Variants in RSAD2 observed in about 807,000 individuals in gnomAD.
RSAD2 encodes the protein S-adenosylmethionine-dependent nucleotide dehydratase RSAD2.
In RSAD2, 38 loss-of-function variants were observed where a neutral mutation model predicts 37.7. The observed-to-expected ratio is 1.01, with a 90% CI of 0.78 to 1.32. The LOEUF (loss-of-function observed/expected upper bound fraction) is 1.32, where lower values mean the gene tolerates loss of function less well. Among genes scored for constraint, RSAD2 ranks in the 40% most tolerant of loss-of-function variants. The pLI, the probability that RSAD2 is intolerant of heterozygous loss-of-function variation, is 0.00. For missense variants in RSAD2, 428 were observed against 437.5 expected, an observed-to-expected ratio of 0.98 and a Z score of 0.19; for synonymous variants, 163 against 157.4, an observed-to-expected ratio of 1.04 and a Z score of -0.27.
chr2:6,887,026 T>A lies in RSAD2; in HGVS notation c.600T>A (p.His200Gln), dbSNP rs372468618. 3 of 1,614,192 alleles carry A rather than the reference T, an allele frequency of 1.9e-6. No homozygotes were observed. Among genetic ancestry groups the A allele is most frequent in the African/African-American group, 2.7e-5 (2 of 75,068 alleles). Reference protein sequence around the residue: ...LIGRGQGKKNHVENLQKLRRW... With the variant: ...LIGRGQGKKNQVENLQKLRRW... ...GCCGTGGCCAAGGAAAGAAGAACCA[T>A]GTGGAAAACCTTCAAAAGCTGAGGA... The change falls in exon 3 of 6, where the codon CAT becomes CAA. Residue 200 changes from histidine to glutamine, a missense_variant. Coordinates refer to ENST00000382040, the MANE Select transcript of RSAD2 (RefSeq NM_080657.5).
intron 1 of RSAD2, among the ~76,000 whole-genome samples, chr2:6,881,916 C>T (rs1452325197): frequency 6.6e-6 from 1 of 151,428 alleles, no homozygotes; most frequent in African/African-American, 2.4e-5. Context: ...TGCATAGACC[C>T]CATCCTCCTA....
Position 6,877,839 on chromosome 2 carries a change from C to T in RSAD2, c.39C>T (p.Leu13=), listed in dbSNP as rs772259587. The change falls in exon 1 of 6, where the codon CTC becomes CTT. Residue 13 remains leucine (L), a synonymous_variant. Coordinates refer to ENST00000382040, the MANE Select transcript of RSAD2 (RefSeq NM_080657.5). ...VLTPAAFAGK[L]LSVFRQPLSS... ...CACCTGCTGCTTTTGCTGGGAAGCT[C>T]TTGAGTGTGTTCAGGCAACCTCTGA... The T allele has an allele frequency of 1.2e-6, 2 of 1,613,984 alleles. No individual in the cohort carries two copies. Among genetic ancestry groups the T allele is most frequent in the South Asian group, 2.2e-5 (2 of 91,058 alleles).
chr2:6,869,757 G>C (rs936055421), intron 1 of RSAD2, among the ~76,000 whole-genome samples: 1 of 152,160 alleles, frequency 6.6e-6, no homozygotes, highest in South Asian at 2.1e-4. Context: ...GGAACAGCAC[G>C]CCTACAAATC....
chr2:6,894,866 G>T (rs1663705750), intron 5 of RSAD2, among the ~76,000 whole-genome samples: 1 of 152,200 alleles, frequency 6.6e-6, no homozygotes, highest in Non-Finnish European at 1.5e-5. Flanking sequence ...TTAGTTTCTG[G>T]GTCCAAGGTA....
rs1419509478 is a variant in RSAD2, at chr2:6,893,701, T to C, written c.919T>C (p.Tyr307His). The C allele has an allele frequency of 2.5e-6, 4 of 1,594,628 alleles. No individual in the cohort carries two copies. Among genetic ancestry groups the C allele is most frequent in the South Asian group, 2.2e-5 (2 of 90,534 alleles). The change falls in exon 5 of 6, where the codon TAT (tyrosine) becomes CAT (histidine). Residue 307 changes from tyrosine (Y) to histidine (H), a missense_variant and splice_region_variant. By Grantham distance (83) the Tyr-to-His change is moderately conservative (BLOSUM62 2). Transcript: ENST00000382040. ...MKDSYLILDE[Y>H]MRFLNCRKGR... Reference sequence around the variant, plus strand: ...AGACTCCTACCTTATTCTGGATGAATATGTGAGTATTTCCAATGAGTTATA... The same window carrying C: ...AGACTCCTACCTTATTCTGGATGAACATGTGAGTATTTCCAATGAGTTATA...
At chr2:6,893,322 T>C (rs1663668092) in intron 4 of RSAD2, among the ~76,000 whole-genome samples, 1 of 152,210 alleles carries the variant, frequency 6.6e-6, no homozygotes, top group Non-Finnish European at 1.5e-5. Context: ...AGATACATGG[T>C]GGACACAGTC....
In RSAD2 at chr2:6,871,619, C is replaced by T. The variant is rs77842230; in HGVS notation, c.142+5574C>T. Reference sequence around the variant, plus strand: ...AACGCTGGTTGAATCTAACTGTCTTCTAAACAAGGGGGTTTTACCCGACTC... The same window carrying T: ...AACGCTGGTTGAATCTAACTGTCTTTTAAACAAGGGGGTTTTACCCGACTC... On this transcript the variant is annotated intron_variant, in intron 1 of 5. Transcript: ENST00000442639. Among the ~76,000 whole-genome samples the T allele has an allele frequency of 7.0e-3, 1,067 of 152,288 alleles. 7 individuals are homozygous for T. Among genetic ancestry groups the T allele is most frequent in the African/African-American group, 0.024 (1,002 of 41,550 alleles).
At chr2:6,882,470 G>A (rs1663432981) in intron 1 of RSAD2, among the ~76,000 whole-genome samples, 1 of 152,122 alleles carries the variant, frequency 6.6e-6, no homozygotes, top group African/African-American at 2.4e-5. Context: ...CAAAAAATCA[G>A]GATAGACGTA....
At chr2:6,881,045 C>T (rs1450155831) in intron 1 of RSAD2, among the ~76,000 whole-genome samples, 3 of 151,976 alleles carry the variant, frequency 2.0e-5, no homozygotes, top group Non-Finnish European at 2.9e-5. Flanking sequence ...ATTAATTATG[C>T]CTCTAAATTC....
upstream of RSAD2, among the ~76,000 whole-genome samples, chr2:6,873,106 C>T (rs1338480388): frequency 1.3e-5 from 2 of 152,224 alleles, no homozygotes; most frequent in East Asian, 3.9e-4. Flanking sequence ...TTTGTCATCT[C>T]CTGTAACTTT....
intron 1 of RSAD2, among the ~76,000 whole-genome samples, chr2:6,879,278 C>A (rs1253722331): frequency 6.6e-6 from 1 of 152,080 alleles, no homozygotes; most frequent in Non-Finnish European, 1.5e-5. Context: ...CTCACTGTCT[C>A]TGCTTGCCCC....
chr2:6,878,794 G>A lies in RSAD2; in HGVS notation c.346+648G>A, dbSNP rs72779787. The A allele has an allele frequency of 3.1e-3, 3,639 of 1,188,100 alleles. 9 individuals are homozygous for A. The highest frequency in any genetic ancestry group is 3.6e-3 in the Non-Finnish European group (3,321 of 935,320). The allele number at this position is 1,188,100 out of a possible 1,614,324, so 73.6% of individuals were successfully genotyped here. A position where few individuals can be genotyped will look rare whatever the true frequency, so the allele number is the denominator to read the frequency against. ...CCACTCCAGATCTGTTCTGCCTTCC[G>A]TCCTTGTCTTCCTGTCTTTCCTAGA... On this transcript the variant is annotated intron_variant, in intron 1 of 5. Coordinates refer to ENST00000382040, the MANE Select transcript of RSAD2 (RefSeq NM_080657.5).
intron 1 of RSAD2, among the ~76,000 whole-genome samples, chr2:6,868,707 TCTC>T (rs1558331182): frequency 6.6e-6 from 1 of 152,236 alleles, no homozygotes; most frequent in East Asian, 1.9e-4. Flanking sequence ...TGAAGAGTAT[TCTC>T]CTCTCTCTTG....
intron 1 of RSAD2, among the ~76,000 whole-genome samples, chr2:6,867,087 T>C (rs901387182): frequency 2.6e-5 from 4 of 152,238 alleles, no homozygotes; most frequent in African/African-American, 9.6e-5. Context: ...AAGAGTCTTC[T>C]AGTTACTCCC....
intron 5 of RSAD2, among the ~76,000 whole-genome samples, chr2:6,894,261 A>G (rs1232507297): frequency 6.7e-6 from 1 of 148,992 alleles, no homozygotes; most frequent in Non-Finnish European, 1.5e-5. Flanking sequence ...CCTTCTCAAA[A>G]CTGAAAAACA....
chr2:6,873,081 A>G (rs776127436), upstream of RSAD2, among the ~76,000 whole-genome samples: 3 of 152,094 alleles, frequency 2.0e-5, no homozygotes, highest in Non-Finnish European at 2.9e-5. Context: ...AATGATAACC[A>G]TCTCCTTCAA....
Position 6,883,484 on chromosome 2 carries a change from A to G in RSAD2, c.460A>G (p.Ile154Val), listed in dbSNP as rs778549843. 7 of 1,614,076 alleles carry G rather than the reference A, an allele frequency of 4.3e-6. No homozygotes were observed. Among genetic ancestry groups the G allele is most frequent in the African/African-American group, 1.3e-5 (1 of 74,924 alleles). The stretch of plus-strand genomic sequence containing the variant: ...AGAGTTGCGGCTGCCCAGCGTGAGC[A>G]TCGTGAGCAATGGAAGCCTGATCCG... ...KVELRLPSVS[I>V]VSNGSLIRER... Residue 154 changes from isoleucine (I) to valine (V), a missense_variant, in exon 2 of 6, where the codon ATC (isoleucine) becomes GTC (valine). Ile to Val is a conservative substitution (Grantham distance 29). Coordinates refer to ENST00000382040, the MANE Select transcript of RSAD2 (RefSeq NM_080657.5).
In RSAD2 at chr2:6,890,157, C is replaced by G; in HGVS notation, c.739-19C>G. On this transcript the variant is annotated intron_variant, in intron 3 of 5. Coordinates refer to ENST00000382040, the MANE Select transcript of RSAD2 (RefSeq NM_080657.5). ...GATGGAAAGCTCTCTGCAAAGCAAA[C>G]ACTACCATTGCCTTTCAGGTGTTCC... The G allele has an allele frequency of 6.2e-7, 1 of 1,612,250 alleles. No homozygotes were observed. Among genetic ancestry groups the G allele is most frequent in the South Asian group, 1.1e-5 (1 of 90,910 alleles).
chr2:6,878,970 A>G, intron 1 of RSAD2: 1 of 564,756 alleles, frequency 1.8e-6, no homozygotes, highest in Non-Finnish European at 3.1e-6. Flanking sequence ...CAGCCAGGTA[A>G]ATAGCCTGCA....
Sources: allele counts gnomAD v4.1 joint callset (sites outside exome capture counted in the v4.1 genomes callset), GRCh38; gene constraint gnomAD v4.1.1; transcripts MANE v1.5; gene names NCBI Gene and HGNC (gene_info 2026-07-23, HGNC 2026-07-21).